Variants in TXK observed in about 807,000 individuals in gnomAD.
The protein encoded by TXK is tyrosine-protein kinase TXK.
Under a neutral mutation model 81.0 loss-of-function variants are expected in TXK, and 60 were observed. That is an observed-to-expected ratio of 0.74 (90% CI 0.60 to 0.92). The LOEUF is 0.92. Among genes scored for constraint, TXK ranks in the 40% least tolerant of loss-of-function variants. The pLI is 0.00. For synonymous variants in TXK, 203 were observed against 210.7 expected, an observed-to-expected ratio of 0.96 and a Z score of 0.32; for missense variants, 581 against 638.3, an observed-to-expected ratio of 0.91 and a Z score of 0.97.
intron 1 of TXK, 162 bp from the exon 2 acceptor site, chr4:48,114,564 A>G (rs984189270): frequency 2.8e-6 from 2 of 709,272 alleles, no homozygotes; most frequent in Non-Finnish European, 4.7e-6. Flanking sequence ...AAAGCAAAAA[A>G]TAAGTTTCTG....
chr4:48,094,094 T>C lies in TXK; in HGVS notation c.692A>G (p.His231Arg), dbSNP rs1475694403. 1.2e-6 allele frequency: 2 copies of C among 1,613,586 alleles called. No individual in the cohort carries two copies. Among genetic ancestry groups the C allele is most frequent in the Admixed American group, 3.3e-5 (2 of 60,026 alleles). Residue 231 changes from histidine (H) to arginine (R), a missense_variant, in exon 8 of 15, where the codon CAC becomes CGC. Coordinates refer to ENST00000264316, the MANE Select transcript of TXK (RefSeq NM_003328.3). ...CCTCTTACCGGCTGCATTGTGCTGG[T>C]GATACCAGATTAACTCAGGGATTGA... ...FQSIPELIWY[H>R]QHNAAGLMTR...
intron 2 of TXK, 87 bp downstream of exon 2, chr4:48,114,261 G>T: frequency 2.2e-6 from 3 of 1,338,778 alleles, no homozygotes; most frequent in East Asian, 2.3e-5. Context: ...AGAGAACAGC[G>T]GGTGCAAAGA....
At chr4:48,083,502 G>A (rs1202765543) in intron 10 of TXK, among the ~76,000 whole-genome samples, 3 of 152,172 alleles carry the variant, frequency 2.0e-5, no homozygotes, top group African/African-American at 7.2e-5. Context: ...GCTGTCATGG[G>A]CATGTCCTTA....
Position 48,067,041 on chromosome 4 carries a change from T to C in TXK, c.*596A>G, listed in dbSNP as rs1716630990. ...AAAACTCGAATGCAAAAAACTGCTT[T>C]CAATATAATCAGATATGTGCAAAAA... On this transcript the variant is annotated 3_prime_UTR_variant, in exon 15 of 15. Coordinates refer to ENST00000264316, the MANE Select transcript of TXK (RefSeq NM_003328.3). 1 of 152,280 alleles carries C rather than the reference T, an allele frequency of 6.6e-6. No individual in the cohort carries two copies. The highest frequency in any genetic ancestry group is 2.1e-4 in the South Asian group (1 of 4,834). The allele number at this position is 152,280 out of a possible 1,614,324, so 9.4% of individuals were successfully genotyped here.
rs1718603257 is a variant in TXK at position 48,110,591 on chromosome 4, T to C, written c.393A>G (p.Leu131=). The C allele has an allele frequency of 6.2e-7, 1 of 1,612,196 alleles. No homozygotes were observed. The highest frequency in any genetic ancestry group is 1.1e-5 in the South Asian group (1 of 90,874). ...KARDRLGNEG[L]IPSNYVTENK... is the part of the protein sequence containing the mutation. ...TTTCAGTCACATAGTTGCTTGGGAT[T>C]AAGCCTTCATTCCTACAACAAAAGA... Residue 131 remains leucine, a synonymous_variant, in exon 5 of 15, where the codon TTA becomes TTG. Transcript: ENST00000264316.
intron 2 of TXK, among the ~76,000 whole-genome samples, chr4:48,113,940 G>C (rs1292015476): frequency 6.6e-6 from 1 of 152,150 alleles, no homozygotes. Flanking sequence ...TGCTGCCTTG[G>C]ATTTAATTCT....
intron 6 of TXK, among the ~76,000 whole-genome samples, chr4:48,100,847 A>AG (rs545831598): frequency 7.9e-5 from 12 of 152,274 alleles, no homozygotes; most frequent in African/African-American, 2.9e-4. Context: ...AACACTATGC[A>AG]GGTATAAAAT....
intron 6 of TXK, among the ~76,000 whole-genome samples, chr4:48,102,173 TTCA>T (rs1374885349): frequency 3.3e-5 from 5 of 151,808 alleles, no homozygotes; most frequent in Non-Finnish European, 5.9e-5. Context: ...GAGACGGGGT[TTCA>T]TCATGTTGGC....
intron 14 of TXK, among the ~76,000 whole-genome samples, chr4:48,069,668 T>C (rs997060798): frequency 6.6e-6 from 1 of 152,140 alleles, no homozygotes; most frequent in Non-Finnish European, 1.5e-5. Context: ...AACCACACCA[T>C]TGTATTAATC....
chr4:48,112,308 C>A lies in TXK; in HGVS notation c.379G>T (p.Gly127Trp). The change falls in exon 4 of 15, where the codon GGG (glycine) becomes TGG (tryptophan). Residue 127 changes from glycine (G) to tryptophan (W), a missense_variant and splice_region_variant. Coordinates refer to ENST00000264316, the MANE Select transcript of TXK (RefSeq NM_003328.3). ...PHWWKARDRL[G>W]NEGLIPSNYV... ...GACTAAGTCATGTAAGTGTCTTACC[C>A]CAAACGGTCTCTTGCCTTCCACCAG... 1 of 1,613,984 alleles carries A rather than the reference C, an allele frequency of 6.2e-7. No individual in the cohort carries two copies. Among genetic ancestry groups the A allele is most frequent in the Non-Finnish European group, 8.5e-7 (1 of 1,179,926 alleles).
chr4:48,114,774 T>C (rs1464076998), intron 1 of TXK, among the ~76,000 whole-genome samples: 1 of 152,244 alleles, frequency 6.6e-6, no homozygotes, highest in Non-Finnish European at 1.5e-5. Flanking sequence ...GGATTTTGAA[T>C]TAGATCTGTC....
Position 48,113,273 on chromosome 4 carries a change from T to C in TXK, c.108A>G (p.Glu36=), listed in dbSNP as rs1013225405. ...GCTGGGTGTATTTTTCTGGAAGCTC[T>C]TCATCTGTGCTCAGGCTTATCTGTG... ...MRTQISLSTD[E]ELPEKYTQRR... The change falls in exon 3 of 15, where the codon GAA becomes GAG. Residue 36 remains glutamate, a synonymous_variant. Coordinates refer to ENST00000264316, the MANE Select transcript of TXK (RefSeq NM_003328.3). 1.2e-6 allele frequency: 2 copies of C among 1,613,210 alleles called. No homozygotes were observed. Among genetic ancestry groups the C allele is most frequent in the East Asian group, 4.5e-5 (2 of 44,888 alleles).
intron 1 of TXK, among the ~76,000 whole-genome samples, chr4:48,131,988 G>C (rs375509043): frequency 6.5e-4 from 98 of 150,866 alleles, no homozygotes; most frequent in Middle Eastern, 3.5e-3. Context: ...TCTTATCTGC[G>C]TGAATGGAAG....
Position 48,089,799 on chromosome 4 carries a change from T to C in TXK, c.735A>G (p.Pro245=). ...AAGLMTRLRY[P]VGLMGSCLPA... Reference sequence around the variant, plus strand: ...GTAAACAACTGCCCATCAGCCCAACTGGATATCGGAGACGAGTCATGAGAC... The same window carrying C: ...GTAAACAACTGCCCATCAGCCCAACCGGATATCGGAGACGAGTCATGAGAC... The change falls in exon 9 of 15, where the codon CCA becomes CCG. Residue 245 remains proline (P), a synonymous_variant. Transcript: ENST00000264316. 6.2e-7 allele frequency: 1 copy of C among 1,613,524 alleles called. No homozygotes were observed. Among genetic ancestry groups the C allele is most frequent in the Non-Finnish European group, 8.5e-7 (1 of 1,179,642 alleles).
At chr4:48,132,001 T>C (rs1421234410) in intron 1 of TXK, among the ~76,000 whole-genome samples, 3 of 151,966 alleles carry the variant, frequency 2.0e-5, no homozygotes, top group Admixed American at 2.0e-4. Context: ...AATGGAAGAC[T>C]ATGAGTTATT....
intron 1 of TXK, among the ~76,000 whole-genome samples, chr4:48,127,298 C>A (rs148645738): frequency 7.2e-5 from 11 of 152,310 alleles, no homozygotes; most frequent in Admixed American, 2.6e-4. Flanking sequence ...AGTGTTGGGC[C>A]AAAATTCATT....
chr4:48,080,011 A>T lies in TXK; in HGVS notation c.1074T>A (p.Asn358Lys). 1.2e-6 allele frequency: 2 copies of T among 1,613,922 alleles called. No homozygotes were observed. The highest frequency in any genetic ancestry group is 2.2e-5 in the South Asian group (2 of 91,074). The change falls in exon 11 of 15, where the codon AAT (asparagine) becomes AAA (lysine). Residue 358 changes from asparagine to lysine, a missense_variant. Transcript: ENST00000264316. ...GCATTTCCTTCCTAAGCTTTCCTTT[A>T]TTCTCCCTGAGATAGTTAAGCAGGC... The part of the protein sequence containing the change: ...NGCLLNYLRE[N>K]KGKLRKEMLL...
At chr4:48,134,030 G>T in intron 1 of TXK, 125 bp downstream of exon 1, 2 of 1,018,006 alleles carry the variant, frequency 2.0e-6, no homozygotes, top group Non-Finnish European at 2.9e-6. Flanking sequence ...CACAACATCT[G>T]AGGAAATTAT....
At chr4:48,109,096 G>A (rs1455709101) in intron 5 of TXK, among the ~76,000 whole-genome samples, 6 of 151,984 alleles carry the variant, frequency 3.9e-5, no homozygotes, top group Admixed American at 3.9e-4. Context: ...CTTTGCAAGA[G>A]GCCTGTTTTT....
Sources: gnomAD v4.1 joint callset for allele counts (sites outside exome capture counted in the v4.1 genomes callset) on GRCh38, gnomAD v4.1.1 for gene constraint, MANE v1.5 for transcripts, NCBI Gene and HGNC (gene_info 2026-07-23, HGNC 2026-07-21) for gene names.